The following PDZRN4 variants were observed in gnomAD, a reference collection of about 807,000 sequenced individuals.
PDZRN4 encodes PDZ domain-containing RING finger protein 4.
Under a neutral mutation model 99.0 loss-of-function variants are expected in PDZRN4, and 70 were observed. The observed-to-expected ratio is 0.71, with a 90% confidence interval of 0.58 to 0.86. PDZRN4 has a LOEUF of 0.86. Among genes scored for constraint, PDZRN4 ranks in the 40% least tolerant of loss-of-function variants. The pLI, the probability that PDZRN4 is intolerant of heterozygous loss-of-function variation, is 0.00. For missense variants in PDZRN4, 1,474 were observed against 1,331.2 expected, an observed-to-expected ratio of 1.11 and a Z score of -1.67; for synonymous variants, 551 against 501.6, an observed-to-expected ratio of 1.10 and a Z score of -1.32.
chr12:41,202,607 A>G (rs1733419057), intron 3 of PDZRN4, among the ~76,000 whole-genome samples: 1 of 152,108 alleles, frequency 6.6e-6, no homozygotes, highest in Non-Finnish European at 1.5e-5. Flanking sequence ...TAAGCAGATA[A>G]CAGTGTTCTT....
chr12:41,229,041 C>A (rs1409508755), intron 3 of PDZRN4, among the ~76,000 whole-genome samples: 1 of 151,766 alleles, frequency 6.6e-6, no homozygotes, highest in Non-Finnish European at 1.5e-5. Flanking sequence ...AAACCTATGA[C>A]CTCAATCAAA....
At chr12:41,525,321 A>C (rs1236123423) in intron 5 of PDZRN4, among the ~76,000 whole-genome samples, 3 of 152,202 alleles carry the variant, frequency 2.0e-5, no homozygotes, top group Non-Finnish European at 4.4e-5. Flanking sequence ...TTCTGGAATC[A>C]GCCTGAAGTG....
In PDZRN4 at chr12:41,573,039, C is replaced by A. The variant is rs139658899; in HGVS notation, c.2260C>A (p.Arg754Ser). 2 of 1,613,938 alleles carry A rather than the reference C, an allele frequency of 1.2e-6. No individual in the cohort carries two copies. Among genetic ancestry groups the A allele is most frequent in the African/African-American group, 1.3e-5 (1 of 74,882 alleles). Residue 754 changes from arginine (R) to serine (S), a missense_variant, in exon 10 of 10, where the codon CGT (arginine) becomes AGT (serine). Physicochemically the swap from Arg to Ser is moderately radical, Grantham distance 110. Coordinates refer to ENST00000402685, the MANE Select transcript of PDZRN4 (RefSeq NM_001164595.2). Reference sequence around the variant, plus strand: ...CAGAAGTACTCCGCTCACTGTAGACCGTTCCCCTGACAGTTCCCTTCCAAG... The same window carrying A: ...CAGAAGTACTCCGCTCACTGTAGACAGTTCCCCTGACAGTTCCCTTCCAAG... ...SCRSTPLTVDRSPDSSLPRVI... is the reference protein window; with the variant it reads ...SCRSTPLTVDSSPDSSLPRVI...
chr12:41,404,463 C>T (rs879311607), intron 3 of PDZRN4, among the ~76,000 whole-genome samples: 1 of 151,930 alleles, frequency 6.6e-6, no homozygotes, highest in Admixed American at 6.6e-5. Context: ...AGGTGAAAGC[C>T]CTATACAAGG....
chr12:41,380,820 G>T (rs779336498), intron 3 of PDZRN4, among the ~76,000 whole-genome samples: 54 of 151,886 alleles, frequency 3.6e-4, no homozygotes, highest in Non-Finnish European at 7.2e-4. Flanking sequence ...ACCTTATCTG[G>T]TGTTATATAT....
intron 3 of PDZRN4, among the ~76,000 whole-genome samples, chr12:41,367,375 T>G (rs1423248556): frequency 2.6e-5 from 4 of 151,866 alleles, no homozygotes; most frequent in African/African-American, 4.8e-5. Context: ...CCAGGCATGG[T>G]GGTGCTGCCT....
chr12:41,494,781 A>G, intron 3 of PDZRN4, among the ~76,000 whole-genome samples: 1 of 152,138 alleles, frequency 6.6e-6, no homozygotes, highest in East Asian at 1.9e-4. Context: ...CTGTGATTTC[A>G]TGTCATCGAC....
At chr12:41,514,261 G>A (rs1051315550) in intron 5 of PDZRN4, among the ~76,000 whole-genome samples, 3 of 151,972 alleles carry the variant, frequency 2.0e-5, no homozygotes, top group African/African-American at 7.2e-5. Context: ...CTTATGCAAG[G>A]CATAAGTAAA....
At chr12:41,490,642 T>A (rs1937866652) in intron 3 of PDZRN4, among the ~76,000 whole-genome samples, 1 of 152,156 alleles carries the variant, frequency 6.6e-6, no homozygotes, top group Admixed American at 6.5e-5. Flanking sequence ...CAGGAGCACC[T>A]CCTCATGAGT....
intron 3 of PDZRN4, among the ~76,000 whole-genome samples, chr12:41,205,602 T>C (rs570935957): frequency 6.6e-6 from 1 of 152,066 alleles, no homozygotes; most frequent in African/African-American, 2.4e-5. Context: ...CTTCTACTTA[T>C]TCCTTCTACT....
intron 3 of PDZRN4, among the ~76,000 whole-genome samples, chr12:41,269,364 C>T (rs568750920): frequency 9.9e-5 from 15 of 152,136 alleles, no homozygotes; most frequent in Non-Finnish European, 1.9e-4. Flanking sequence ...ATTGTTGATA[C>T]TATTTAAGCT....
chr12:41,194,546 T>A (rs1387704006), intron 3 of PDZRN4, among the ~76,000 whole-genome samples: 1 of 152,074 alleles, frequency 6.6e-6, no homozygotes, highest in Non-Finnish European at 1.5e-5. Flanking sequence ...GAGGCTGAGG[T>A]GGGTGGATCA....
At chr12:41,269,827 A>C (rs1324146690) in intron 3 of PDZRN4, among the ~76,000 whole-genome samples, 1 of 152,212 alleles carries the variant, frequency 6.6e-6, no homozygotes, top group Non-Finnish European at 1.5e-5. Flanking sequence ...CTTGCTATGC[A>C]CAGACCTGTG....
At chr12:41,361,641 AAAAG>A (rs1271763426) in intron 3 of PDZRN4, among the ~76,000 whole-genome samples, 2 of 152,076 alleles carry the variant, frequency 1.3e-5, no homozygotes, top group African/African-American at 4.8e-5. Context: ...CCATCACAAA[AAAAG>A]AAGCAAGGAA....
chr12:41,431,479 G>C (rs1952585412), intron 3 of PDZRN4, among the ~76,000 whole-genome samples: 2 of 152,116 alleles, frequency 1.3e-5, no homozygotes, highest in Admixed American at 1.3e-4. Flanking sequence ...CACGCCAATA[G>C]GACAGAATAC....
chr12:41,224,570 GA>G (rs1950980663), intron 3 of PDZRN4, among the ~76,000 whole-genome samples: 1 of 152,156 alleles, frequency 6.6e-6, no homozygotes, highest in Non-Finnish European at 1.5e-5. Flanking sequence ...AAAGTAAAGA[GA>G]AAATCAAGAG....
intron 3 of PDZRN4, among the ~76,000 whole-genome samples, chr12:41,447,093 C>A (rs1288826616): frequency 6.6e-6 from 1 of 152,060 alleles, no homozygotes. Flanking sequence ...AGACACAAAA[C>A]ACCCTGAGGA....
chr12:41,409,300 T>C (rs1952375012), intron 3 of PDZRN4, among the ~76,000 whole-genome samples: 1 of 152,124 alleles, frequency 6.6e-6, no homozygotes, highest in Non-Finnish European at 1.5e-5. Flanking sequence ...ATATAGTTAT[T>C]GAGTCTTGAC....
chr12:41,188,724 A>G lies in PDZRN4; in HGVS notation c.269A>G (p.His90Arg). 3 of 1,556,008 alleles carry G rather than the reference A, an allele frequency of 1.9e-6. No homozygotes were observed. The highest frequency in any genetic ancestry group is 1.4e-5 in the African/African-American group (1 of 71,746). The change falls in exon 1 of 10, where the codon CAC becomes CGC. Residue 90 changes from histidine (H) to arginine (R), a missense_variant. Physicochemically the swap from His to Arg is conservative, Grantham distance 29. Coordinates refer to ENST00000402685, the MANE Select transcript of PDZRN4 (RefSeq NM_001164595.2). Reference protein sequence around the residue: ...QCDYRARGCGHSVRLHELEAH... With the variant: ...QCDYRARGCGRSVRLHELEAH... ...GACTACCGCGCCCGCGGCTGCGGCCACTCGGTCAGGCTGCACGAGCTGGAG... is the reference window on the plus strand; with the variant it reads ...GACTACCGCGCCCGCGGCTGCGGCCGCTCGGTCAGGCTGCACGAGCTGGAG...
Sources: gnomAD v4.1 joint callset for allele counts (sites outside exome capture counted in the v4.1 genomes callset) on GRCh38, gnomAD v4.1.1 for gene constraint, MANE v1.5 for transcripts, NCBI Gene and HGNC (gene_info 2026-07-23, HGNC 2026-07-21) for gene names.